CNTNAP2: variants seen among roughly 807,000 people sequenced by gnomAD.
CNTNAP2 encodes contactin-associated protein-like 2.
CNTNAP2 carries 98 observed loss-of-function variants against 155.2 expected under a neutral mutation model. That is an observed-to-expected ratio of 0.63 (90% CI 0.54 to 0.75). The LOEUF (loss-of-function observed/expected upper bound fraction) is 0.75, where lower values mean the gene tolerates loss of function less well. CNTNAP2 is among the 30% of genes least tolerant of loss of function. The pLI is 0.00. For synonymous variants in CNTNAP2, 651 were observed against 631.2 expected (o/e 1.03, Z -0.47); for missense variants, 1,727 against 1,688.1 (o/e 1.02, Z -0.40).
At chr7:148,197,210 A>G (rs1383789051) in intron 18 of CNTNAP2, among the ~76,000 whole-genome samples, 1 of 152,174 alleles carries the variant, frequency 6.6e-6, no homozygotes, top group Admixed American at 6.5e-5. Flanking sequence ...GACGAAAAAT[A>G]TGTTTTTACA....
At chr7:147,262,395 G>A (rs542623005) in intron 8 of CNTNAP2, among the ~76,000 whole-genome samples, 1 of 152,246 alleles carries the variant, frequency 6.6e-6, no homozygotes, top group South Asian at 2.1e-4. Context: ...GGAGACAGAG[G>A]CTTTAAATAA....
chr7:148,022,574 G>T (rs1802302555), intron 15 of CNTNAP2, among the ~76,000 whole-genome samples: 1 of 152,160 alleles, frequency 6.6e-6, no homozygotes, highest in South Asian at 2.1e-4. Context: ...GGCTATGGGA[G>T]TACCCGGGTT....
In CNTNAP2 at chr7:146,538,224, T is replaced by C. The variant is rs76780761; in HGVS notation, c.98-236047T>C. On this transcript the variant is annotated intron_variant, in intron 1 of 23. Coordinates refer to ENST00000361727, the MANE Select transcript of CNTNAP2 (RefSeq NM_014141.6). Reference sequence around the variant, plus strand: ...TATCCAGTATCTTGGATATGGGCTATATTAATCAACTTTAATTTATGTGGC... The same window carrying C: ...TATCCAGTATCTTGGATATGGGCTACATTAATCAACTTTAATTTATGTGGC... 3.3e-4 allele frequency among the ~76,000 whole-genome samples: 51 copies of C among 152,246 alleles called. 2 individuals are homozygous for C. In the East Asian group the frequency reaches 9.9e-3, roughly 29 times the overall value.
intron 1 of CNTNAP2, among the ~76,000 whole-genome samples, chr7:146,680,565 C>G (rs1463006625): frequency 6.6e-6 from 1 of 152,174 alleles, no homozygotes; most frequent in South Asian, 2.1e-4. Flanking sequence ...CATTCTTAAT[C>G]TTTTACCTCA....
In CNTNAP2 at chr7:147,128,826, C is replaced by A. The variant is rs760416207; in HGVS notation, c.1073C>A (p.Pro358His). 1 of 1,613,854 alleles carries A rather than the reference C, an allele frequency of 6.2e-7. No individual in the cohort carries two copies. Among genetic ancestry groups the A allele is most frequent in the Non-Finnish European group, 8.5e-7 (1 of 1,179,864 alleles). ...CTTGCCAGAAGGAAGAAATTAGAGC[C>A]CTCAAATGTGGTAAGGATTTTCACC... ...TDLARRKKLEPSNVGNLSFSC... is the reference protein window; with the variant it reads ...TDLARRKKLEHSNVGNLSFSC... The change falls in exon 7 of 24, where the codon CCC becomes CAC. Residue 358 changes from proline to histidine, a missense_variant. Transcript: ENST00000361727.
In CNTNAP2 at chr7:148,217,329, A is replaced by G. The variant is rs774129599; in HGVS notation, c.3052A>G (p.Asn1018Asp). The change falls in exon 19 of 24, where the codon AAC becomes GAC. Residue 1018 changes from asparagine to aspartate, a missense_variant. Asn to Asp is a conservative substitution (Grantham distance 23). Coordinates refer to ENST00000361727, the MANE Select transcript of CNTNAP2 (RefSeq NM_014141.6). ...FFEEGMWLRY[N>D]FQAPATNARD... ...TGAAGAAGGGATGTGGCTACGATAT[A>G]ACTTTCAGGCACCAGCAACAAATGC... is the stretch of plus-strand genomic sequence containing the variant. The G allele has an allele frequency of 6.2e-7, 1 of 1,614,066 alleles. No homozygotes were observed. The highest frequency in any genetic ancestry group is 8.5e-7 in the Non-Finnish European group (1 of 1,179,980).
intron 8 of CNTNAP2, among the ~76,000 whole-genome samples, chr7:147,249,933 G>A (rs1201698500): frequency 2.0e-5 from 3 of 152,120 alleles, no homozygotes; most frequent in Non-Finnish European, 4.4e-5. Context: ...TGTGGATTAG[G>A]TATTTTCTCA....
At chr7:146,915,215 C>A (rs1208112410) in intron 3 of CNTNAP2, among the ~76,000 whole-genome samples, 1 of 151,986 alleles carries the variant, frequency 6.6e-6, no homozygotes, top group East Asian at 1.9e-4. Context: ...GTGACTATGG[C>A]CTTATAGTAT....
intron 8 of CNTNAP2, among the ~76,000 whole-genome samples, chr7:147,217,604 A>G (rs1376599952): frequency 2.6e-5 from 4 of 151,916 alleles, no homozygotes; most frequent in African/African-American, 4.8e-5. Context: ...GGTATTGGTC[A>G]TAGTTTTCTT....
chr7:146,354,411 AT>A (rs10641636), intron 1 of CNTNAP2, among the ~76,000 whole-genome samples: 455 of 135,256 alleles, frequency 3.4e-3, no homozygotes, highest in Middle Eastern at 4.1e-3. Flanking sequence ...TCTTGTTAGT[AT>A]TTTTTTTTTT....
intron 1 of CNTNAP2, among the ~76,000 whole-genome samples, chr7:146,302,629 C>T (rs1168127809): frequency 6.6e-6 from 1 of 152,066 alleles, no homozygotes; most frequent in East Asian, 1.9e-4. Context: ...AAAGACAGTT[C>T]AACGTTAGAG....
chr7:146,472,946 G>A (rs372955619), intron 1 of CNTNAP2, among the ~76,000 whole-genome samples: 2 of 149,300 alleles, frequency 1.3e-5, no homozygotes, highest in East Asian at 2.0e-4. Context: ...TACTAGATAC[G>A]TGAAGCCAAA....
intron 1 of CNTNAP2, among the ~76,000 whole-genome samples, chr7:146,194,709 CAA>C (rs761035177): frequency 6.6e-6 from 1 of 152,130 alleles, no homozygotes; most frequent in African/African-American, 2.4e-5. Flanking sequence ...GAAATAATAA[CAA>C]AGTTATTTTA....
At position 147,037,815 on chromosome 7, in the gene CNTNAP2, C is replaced by T. The variant is rs1044441092; in HGVS notation, c.403-6092C>T. 1.1e-4 allele frequency among the ~76,000 whole-genome samples: 16 copies of T among 152,152 alleles called. No homozygotes were observed. The East Asian group carries it at 2.9e-3, about 27-fold the overall frequency. On this transcript the variant is annotated intron_variant, in intron 3 of 23. Transcript: ENST00000361727. ...ATGTTAGACGTTGTTTTTATTAAAT[C>T]AACGGCTACATCTCCTTTTATGTTT...
intron 1 of CNTNAP2, among the ~76,000 whole-genome samples, chr7:146,752,284 T>A (rs1196672230): frequency 1.3e-5 from 2 of 152,144 alleles, no homozygotes; most frequent in African/African-American, 4.8e-5. Context: ...CTTGCCAGCA[T>A]CTATTGTTAC....
chr7:146,796,633 C>G (rs777436238), intron 2 of CNTNAP2, among the ~76,000 whole-genome samples: 8 of 152,038 alleles, frequency 5.3e-5, no homozygotes, highest in Non-Finnish European at 8.8e-5. Context: ...AGAGGGCCGA[C>G]TATGACTTCC....
At chr7:146,615,068 G>A (rs1201181977) in intron 1 of CNTNAP2, among the ~76,000 whole-genome samples, 1 of 152,156 alleles carries the variant, frequency 6.6e-6, no homozygotes, top group African/African-American at 2.4e-5. Context: ...GGGAAGGAGA[G>A]CTGATGGAAA....
chr7:146,177,168 G>T (rs899542251), intron 1 of CNTNAP2, among the ~76,000 whole-genome samples: 1 of 152,174 alleles, frequency 6.6e-6, no homozygotes, highest in Non-Finnish European at 1.5e-5. Flanking sequence ...TGACTCTAAT[G>T]TCTACAGCAT....
intron 21 of CNTNAP2, among the ~76,000 whole-genome samples, chr7:148,291,101 G>A (rs1489860766): frequency 6.6e-6 from 1 of 152,016 alleles, no homozygotes; most frequent in Non-Finnish European, 1.5e-5. Flanking sequence ...GTCCTACAGA[G>A]AAGAGGATTT....
Sources: gnomAD v4.1 joint callset for allele counts (sites outside exome capture counted in the v4.1 genomes callset) on GRCh38, gnomAD v4.1.1 for gene constraint, MANE v1.5 for transcripts, NCBI Gene and HGNC (gene_info 2026-07-23, HGNC 2026-07-21) for gene names.